Variants in EDARADD observed in about 807,000 individuals in gnomAD.
The protein encoded by EDARADD is ectodysplasin-A receptor-associated adapter protein.
EDARADD carries 20 observed loss-of-function variants against 25.6 expected under a neutral mutation model. That is an observed-to-expected ratio of 0.78 (90% confidence interval 0.55 to 1.14). EDARADD has a LOEUF of 1.14. Ranked by LOEUF, EDARADD falls within the 50% of genes most tolerant of loss-of-function variation. The pLI, the probability that EDARADD is intolerant of heterozygous loss-of-function variation, is 0.00. For missense variants in EDARADD, 225 were observed against 270.1 expected (o/e 0.83, Z 1.17); for synonymous variants, 86 against 94.4 (o/e 0.91, Z 0.52).
At chr1:236,384,735 T>C (rs1572118769) in intron 3 of EDARADD, among the ~76,000 whole-genome samples, 2 of 152,178 alleles carry the variant, frequency 1.3e-5, no homozygotes, top group East Asian at 3.8e-4. Flanking sequence ...CTCACTATGC[T>C]GCCAAGGCTG....
chr1:236,484,686 G>T lies in EDARADD; in HGVS notation c.*2037G>T. On this transcript the variant is annotated 3_prime_UTR_variant, in exon 6 of 6. Transcript: ENST00000334232. This position sits in a 1 kb window ranked among gnomAD's most constrained non-coding sequence, Gnocchi z 4.1. ...TTGCGCCACTGCACACCAGTCTGGA[G>T]ACAGAGTGAGAGTCCGTCCCAGAAA... 6.3e-6 allele frequency: 2 copies of T among 316,658 alleles called. No individual in the cohort carries two copies. Among genetic ancestry groups the T allele is most frequent in the Non-Finnish European group, 1.2e-5 (2 of 170,600 alleles). The allele number at this position is 316,658 out of a possible 1,614,324, so 19.6% of individuals were successfully genotyped here. A position where few individuals can be genotyped will look rare whatever the true frequency, so the allele number is the denominator to read the frequency against.
At chr1:236,458,808 T>C in intron 4 of EDARADD, among the ~76,000 whole-genome samples, 1 of 151,996 alleles carries the variant, frequency 6.6e-6, no homozygotes, top group Non-Finnish European at 1.5e-5. Context: ...TACGCCCAGC[T>C]ACTTTTTGTA....
At chr1:236,480,119 A>ATATATATATATATC (rs1659630122) in intron 5 of EDARADD, among the ~76,000 whole-genome samples, 4 of 89,204 alleles carry the variant, frequency 4.5e-5, no homozygotes, top group Admixed American at 1.2e-4. Context: ...ATATATATAT[A>ATATATATATATATC]TATATATATA....
At chr1:236,465,564 C>A (rs1398671813) in intron 4 of EDARADD, among the ~76,000 whole-genome samples, 1 of 152,150 alleles carries the variant, frequency 6.6e-6, no homozygotes, top group Non-Finnish European at 1.5e-5. Context: ...AAGAAGACAC[C>A]TGTCCTCTCT....
chr1:236,369,462 G>A (rs1245086637), intron 3 of EDARADD, among the ~76,000 whole-genome samples: 2 of 152,182 alleles, frequency 1.3e-5, no homozygotes, highest in East Asian at 3.9e-4. Context: ...TTTGGCTTCT[G>A]ATTAACCCCT....
chr1:236,444,153 C>T (rs1319094765), intron 4 of EDARADD, among the ~76,000 whole-genome samples: 2 of 152,128 alleles, frequency 1.3e-5, no homozygotes, highest in African/African-American at 2.4e-5. Context: ...TATTTCTAGA[C>T]TACAGTATAG....
intron 4 of EDARADD, among the ~76,000 whole-genome samples, chr1:236,429,409 G>A (rs3119826): frequency 0.45 from 67,178 of 149,308 alleles, 17,352 homozygotes; most frequent in Non-Finnish European, 0.59. Flanking sequence ...ACAGAGTCTC[G>A]CTCTGTCACC....
chr1:236,472,384 C>A (rs1571956666), intron 5 of EDARADD, among the ~76,000 whole-genome samples: 1 of 152,306 alleles, frequency 6.6e-6, no homozygotes, highest in Non-Finnish European at 1.5e-5. Flanking sequence ...TTCCCACGTC[C>A]TCCCTGCATC....
intron 4 of EDARADD, among the ~76,000 whole-genome samples, chr1:236,439,371 C>G (rs192193148): frequency 1.3e-5 from 2 of 152,326 alleles, no homozygotes; most frequent in South Asian, 2.1e-4. Context: ...ATCCAAGAAG[C>G]ATGATTGCTG....
chr1:236,391,660 T>C (rs1286956314), upstream of EDARADD, among the ~76,000 whole-genome samples: 1 of 152,226 alleles, frequency 6.6e-6, no homozygotes, highest in Non-Finnish European at 1.5e-5. Context: ...ATAATGTAAC[T>C]TTTTAGATTG....
intron 4 of EDARADD, among the ~76,000 whole-genome samples, chr1:236,441,868 G>T (rs1405306296): frequency 2.6e-5 from 4 of 152,110 alleles, no homozygotes; most frequent in Middle Eastern, 3.2e-3. Flanking sequence ...TGAGAGAATT[G>T]AGGAAGCTGC....
At position 236,476,536 on chromosome 1, in the gene EDARADD, TTTG is replaced by T. The variant is rs1209082793; in HGVS notation, c.266-5728_266-5726del. Among the ~76,000 whole-genome samples, 6 of 151,758 alleles carry T rather than the reference TTTG, an allele frequency of 4.0e-5. No individual in the cohort carries two copies. In the South Asian group the frequency reaches 1.3e-3, roughly 32 times the overall value. ...CCCCTGTCCCTACAGATTTTTTTTT[TTTG>T]TTTGAGATGGAGTTTTGCTCATGTT... On this transcript the variant is annotated intron_variant, in intron 5 of 5. Coordinates refer to ENST00000334232, the MANE Select transcript of EDARADD (RefSeq NM_145861.4).
intron 3 of EDARADD, among the ~76,000 whole-genome samples, chr1:236,355,712 G>A (rs1427901754): frequency 2.6e-5 from 4 of 151,722 alleles, no homozygotes; most frequent in African/African-American, 7.3e-5. Context: ...GTTTCACCAT[G>A]TTGGCCAGGC....
intron 4 of EDARADD, among the ~76,000 whole-genome samples, chr1:236,464,049 C>T (rs1025397058): frequency 4.6e-5 from 7 of 152,104 alleles, no homozygotes; most frequent in Non-Finnish European, 2.9e-5. Context: ...AGAAAGTAAG[C>T]AGATGAAAGG....
At position 236,457,247 on chromosome 1, in the gene EDARADD, G is replaced by A. The variant is rs185977428; in HGVS notation, c.220-10984G>A. On this transcript the variant is annotated intron_variant, in intron 4 of 5. Coordinates refer to ENST00000334232, the MANE Select transcript of EDARADD (RefSeq NM_145861.4). ...CATATTCAAGTTTACCGGGCACGGG[G>A]GCTCACGCCTGTAATCCCAGCACTT... 2.5e-3 allele frequency among the ~76,000 whole-genome samples: 383 copies of A among 152,340 alleles called. 5 individuals carry two copies. Among genetic ancestry groups the A allele is most frequent in the Non-Finnish European group, 2.7e-3 (186 of 68,046 alleles).
intron 3 of EDARADD, among the ~76,000 whole-genome samples, chr1:236,424,074 C>A (rs1178221165): frequency 6.6e-6 from 1 of 151,430 alleles, no homozygotes; most frequent in South Asian, 2.1e-4. Flanking sequence ...CCACTGCACT[C>A]CAGCCTGGGT....
chr1:236,351,151 T>A (rs550325260), intron 3 of EDARADD, among the ~76,000 whole-genome samples: 1 of 152,056 alleles, frequency 6.6e-6, no homozygotes, highest in African/African-American at 2.4e-5. Flanking sequence ...CAAAACAAAA[T>A]TTTAAAACCC....
intron 3 of EDARADD, among the ~76,000 whole-genome samples, chr1:236,427,082 A>G (rs1057373749): frequency 1.3e-5 from 2 of 152,106 alleles, no homozygotes; most frequent in Non-Finnish European, 2.9e-5. Context: ...GGGTTTCTCC[A>G]TGTTGGTCAG....
chr1:236,455,223 A>T (rs991862724), intron 4 of EDARADD, among the ~76,000 whole-genome samples: 2 of 148,402 alleles, frequency 1.3e-5, no homozygotes, highest in Non-Finnish European at 3.0e-5. Context: ...AAAAAAAAAA[A>T]TAGTGGATGG....
Sources: gnomAD v4.1 joint callset for allele counts (sites outside exome capture counted in the v4.1 genomes callset) on GRCh38, gnomAD v4.1.1 for gene constraint, Gnocchi (gnomAD v3.1) non-coding constraint, MANE v1.5 for transcripts, NCBI Gene and HGNC (gene_info 2026-07-23, HGNC 2026-07-21) for gene names.